Variants in SNED1 observed in about 807,000 individuals in gnomAD.
SNED1 encodes sushi, nidogen and EGF like domains 1.
SNED1 carries 81 observed loss-of-function variants against 166.7 expected under a neutral mutation model. That is an observed-to-expected ratio of 0.49 (90% CI 0.41 to 0.58). The LOEUF (loss-of-function observed/expected upper bound fraction) is 0.58. Among genes scored for constraint, SNED1 ranks in the 20% least tolerant of loss-of-function variants. The pLI, the probability that SNED1 is intolerant of heterozygous loss-of-function variation, is 0.00. For synonymous variants in SNED1, 762 were observed against 822.0 expected (o/e 0.93, Z 1.25); for missense variants, 1,604 against 2,000.2 (o/e 0.80, Z 3.78).
At chr2:241,003,105 T>C (rs1352635048) in intron 1 of SNED1, among the ~76,000 whole-genome samples, 4 of 150,656 alleles carry the variant, frequency 2.7e-5, no homozygotes, top group African/African-American at 9.8e-5. Flanking sequence ...TACGCTTCCC[T>C]GCCCCCCTCC....
At chr2:241,022,523 C>G (rs1418703566) in intron 1 of SNED1, among the ~76,000 whole-genome samples, 2 of 152,160 alleles carry the variant, frequency 1.3e-5, no homozygotes, top group Non-Finnish European at 2.9e-5. Context: ...CTTGTCATGA[C>G]AACACCCAAA....
intron 29 of SNED1, among the ~76,000 whole-genome samples, chr2:241,082,758 A>C (rs567039329): frequency 6.6e-6 from 1 of 152,312 alleles, no homozygotes; most frequent in East Asian, 1.9e-4. Context: ...TTCTGCCATT[A>C]ACTCATGATG....
chr2:241,028,149 G>C (rs1377995681), intron 1 of SNED1, among the ~76,000 whole-genome samples: 1 of 152,080 alleles, frequency 6.6e-6, no homozygotes, highest in African/African-American at 2.4e-5. Flanking sequence ...TTTTGTTGTT[G>C]AGTTTTAGGA....
intron 2 of SNED1, among the ~76,000 whole-genome samples, chr2:241,031,919 A>G (rs925194386): frequency 2.0e-5 from 3 of 152,194 alleles, no homozygotes; most frequent in Admixed American, 6.5e-5. Context: ...CCTGCACCCC[A>G]TGACTGGACA....
At chr2:241,003,774 G>A (rs1021147326) in intron 1 of SNED1, among the ~76,000 whole-genome samples, 12 of 152,356 alleles carry the variant, frequency 7.9e-5, no homozygotes, top group Admixed American at 7.2e-4. Flanking sequence ...AGGGAAGACA[G>A]GTCAGTTTGT....
At chr2:241,066,013 T>G (rs1273928337) in intron 21 of SNED1, among the ~76,000 whole-genome samples, 1 of 152,082 alleles carries the variant, frequency 6.6e-6, no homozygotes, top group Non-Finnish European at 1.5e-5. Flanking sequence ...AAGAGGCACC[T>G]GCTCACAGGG....
At chr2:241,079,274 C>T (rs1308048248) in intron 27 of SNED1, among the ~76,000 whole-genome samples, 1 of 147,868 alleles carries the variant, frequency 6.8e-6, no homozygotes, top group African/African-American at 2.5e-5. Context: ...TAGCCGGGCG[C>T]AGTGGCAGGC....
rs1443727871 is a variant in SNED1 at position 241,073,269 on chromosome 2, C to G, written c.3821C>G (p.Pro1274Arg). The G allele has an allele frequency of 1.3e-6, 2 of 1,556,096 alleles. No homozygotes were observed. Among genetic ancestry groups the G allele is most frequent in the Admixed American group, 1.9e-5 (1 of 51,334 alleles). Reference sequence around the variant, plus strand: ...GTCACCGCCTGGCTTCTCCTAGAACCCACAGCCTCGGCGCAGCTCGAGAAC... The same window carrying G: ...GTCACCGCCTGGCTTCTCCTAGAACGCACAGCCTCGGCGCAGCTCGAGAAC... ...PSKAATVRSQ[P>R]TASAQLENME... Residue 1274 changes from proline (P) to arginine (R), a missense_variant, in exon 27 of 32, where the codon CCC (proline) becomes CGC (arginine). Coordinates refer to ENST00000310397, the MANE Select transcript of SNED1 (RefSeq NM_001080437.3). The surrounding 1 kb of genome is among the most constrained non-coding windows in gnomAD (Gnocchi z 6.6).
intron 1 of SNED1, among the ~76,000 whole-genome samples, chr2:241,029,838 C>T (rs1307480588): frequency 6.6e-6 from 1 of 152,248 alleles, no homozygotes; most frequent in African/African-American, 2.4e-5. Flanking sequence ...CCCCGAAGCC[C>T]ACCTTGTGTG....
intron 1 of SNED1, among the ~76,000 whole-genome samples, chr2:241,011,304 TCTC>T (rs2060393767): frequency 6.6e-6 from 1 of 151,786 alleles, no homozygotes; most frequent in African/African-American, 2.4e-5. Flanking sequence ...GGGTGGCAGG[TCTC>T]CTGGGTCTCC....
In SNED1 at chr2:241,052,065, G is replaced by T; in HGVS notation, c.1877G>T (p.Gly626Val). The part of the protein sequence containing the change: ...EIGKPDSCAS[G>V]PCHNGGTCFH... Reference sequence around the variant, plus strand: ...GGGAAGCCAGACTCGTGTGCCTCTGGCCCCTGTCACAACGGCGGCACCTGC... The same window carrying T: ...GGGAAGCCAGACTCGTGTGCCTCTGTCCCCTGTCACAACGGCGGCACCTGC... The change falls in exon 14 of 32, where the codon GGC becomes GTC. Residue 626 changes from glycine to valine, a missense_variant. Gly to Val is a moderately radical substitution (Grantham distance 109). This residue lies in a region of SNED1 where 1,237 missense variants were observed against 1,620.8 expected (regional missense o/e 0.76). Transcript: ENST00000310397. The T allele has an allele frequency of 6.2e-7, 1 of 1,613,892 alleles. No homozygotes were observed. Among genetic ancestry groups the T allele is most frequent in the South Asian group, 1.1e-5 (1 of 91,078 alleles).
rs1198424729 is a variant in SNED1 at position 241,036,875 on chromosome 2, C to T, written c.891C>T (p.Cys297=). Reference sequence around the variant, plus strand: ...TCACGGGCAACCCCTCCTACACCTGCTCCTGCCTCTCGGGCTTCACGGGGC... The same window carrying T: ...TCACGGGCAACCCCTCCTACACCTGTTCCTGCCTCTCGGGCTTCACGGGGC... ...DCVTGNPSYT[C]SCLSGFTGRR... The change falls in exon 5 of 32, where the codon TGC becomes TGT. Residue 297 remains cysteine, a synonymous_variant. Transcript: ENST00000310397. 1.2e-6 allele frequency: 2 copies of T among 1,611,678 alleles called. No individual in the cohort carries two copies. The highest frequency in any genetic ancestry group is 1.7e-5 in the Admixed American group (1 of 59,966).
At position 241,024,692 on chromosome 2, in the gene SNED1, G is replaced by A. The variant is rs902259754; in HGVS notation, c.214-5592G>A. The stretch of plus-strand genomic sequence containing the variant: ...TTTATTTTATTTTATTTATTTTTGA[G>A]ACAGAGTCTCGCTCTGTTGCCCAGG... On this transcript the variant is annotated intron_variant, in intron 1 of 31. Coordinates refer to ENST00000310397, the MANE Select transcript of SNED1 (RefSeq NM_001080437.3). Among the ~76,000 whole-genome samples the A allele has an allele frequency of 1.4e-4, 5 of 35,116 alleles. No homozygotes were observed. The South Asian group carries it at 3.7e-3, about 26-fold the overall frequency. The allele number at this position is 35,116 out of a possible 152,430, so 23.0% of individuals were successfully genotyped here. A position where few individuals can be genotyped will look rare whatever the true frequency, so the allele number is the denominator to read the frequency against.
At chr2:241,065,224 C>A in intron 20 of SNED1, 75 bp from the exon 21 acceptor site, 3 of 1,498,248 alleles carry the variant, frequency 2.0e-6, no homozygotes, top group Non-Finnish European at 2.7e-6. Flanking sequence ...CCCGGCTGAG[C>A]CGCCGACGGG....
At chr2:241,058,395 GA>G (rs1213237232) in intron 16 of SNED1, among the ~76,000 whole-genome samples, 1 of 151,874 alleles carries the variant, frequency 6.6e-6, no homozygotes. Context: ...AAAAAAATAC[GA>G]AATGATGCTG....
intron 1 of SNED1, among the ~76,000 whole-genome samples, chr2:241,024,555 C>T (rs1219775068): frequency 2.0e-5 from 3 of 151,598 alleles, no homozygotes; most frequent in Non-Finnish European, 4.4e-5. Context: ...CACCCTACTA[C>T]CTTTTTTGTG....
rs2060663270 is a variant in SNED1, at chr2:241,018,376, T to A, written c.214-11908T>A. Among the ~76,000 whole-genome samples, 2 of 152,106 alleles carry A rather than the reference T, an allele frequency of 1.3e-5. No individual in the cohort carries two copies. The highest frequency in any genetic ancestry group is 4.8e-5 in the African/African-American group (2 of 41,406). On this transcript the variant is annotated intron_variant, in intron 1 of 31. Coordinates refer to ENST00000310397, the MANE Select transcript of SNED1 (RefSeq NM_001080437.3). The surrounding 1 kb of genome is among the most constrained non-coding windows in gnomAD (Gnocchi z 5.4). ...ACAGAGATGGGGAACCCAGCGCAGG[T>A]CAGGTTGCCAGCTCAGCAGTAGCCT...
chr2:241,048,502 T>C, intron 9 of SNED1, 62 bp downstream of exon 9: 1 of 1,540,996 alleles, frequency 6.5e-7, no homozygotes, highest in East Asian at 2.3e-5. Flanking sequence ...GGGAGGGCCT[T>C]CCTGTGGGTG....
intron 16 of SNED1, among the ~76,000 whole-genome samples, chr2:241,058,005 C>T (rs1286987152): frequency 2.0e-5 from 3 of 152,164 alleles, no homozygotes; most frequent in East Asian, 3.8e-4. Flanking sequence ...AATGGACTAA[C>T]TCTCCAGGTG....
Sources: allele counts gnomAD v4.1 joint callset (sites outside exome capture counted in the v4.1 genomes callset), GRCh38; gene constraint gnomAD v4.1.1; regional missense constraint gnomAD v4.1.1; non-coding constraint Gnocchi (gnomAD v3.1); transcripts MANE v1.5; gene names NCBI Gene and HGNC (gene_info 2026-07-23, HGNC 2026-07-21).